Variants in FAXDC2 observed in about 807,000 individuals in gnomAD.
FAXDC2 encodes the protein fatty acid hydroxylase domain containing 2.
FAXDC2 carries 41 observed loss-of-function variants against 40.9 expected under a neutral mutation model. The observed-to-expected ratio is 1.00, with a 90% confidence interval of 0.78 to 1.30. FAXDC2 has a LOEUF of 1.30. Among genes scored for constraint, FAXDC2 ranks in the 50% most tolerant of loss-of-function variants. The pLI, the probability that FAXDC2 is intolerant of heterozygous loss-of-function variation, is 0.00. For missense variants in FAXDC2, 390 were observed against 408.8 expected, an observed-to-expected ratio of 0.95 and a Z score of 0.40; for synonymous variants, 157 against 149.3, an observed-to-expected ratio of 1.05 and a Z score of -0.38.
At chr5:154,843,328 C>T (rs902903148) in intron 1 of FAXDC2, among the ~76,000 whole-genome samples, 26 of 152,330 alleles carry the variant, frequency 1.7e-4, no homozygotes, top group African/African-American at 3.4e-4. Context: ...GCAAAGCAAA[C>T]GAGACATGGC....
At chr5:154,836,760 T>TG (rs371902255) in intron 2 of FAXDC2, among the ~76,000 whole-genome samples, 13 of 152,184 alleles carry the variant, frequency 8.5e-5, no homozygotes, top group Non-Finnish European at 1.8e-4. Context: ...AAGCGATTCT[T>TG]GCCTCCCAAG....
chr5:154,838,293 A>AT, intron 1 of FAXDC2, 115 bp from the exon 2 acceptor site: 1 of 928,232 alleles, frequency 1.1e-6, no homozygotes, highest in South Asian at 1.6e-5. Flanking sequence ...AAAAAAAAAA[A>AT]TTGGCTTGTT....
rs149343487 is a variant in FAXDC2, at chr5:154,824,662, T to C, written c.367-1070A>G. The C allele has an allele frequency of 1.1e-3, 765 of 678,612 alleles. 4 individuals are homozygous for C. In the African/African-American group the frequency reaches 0.012, roughly 11 times the overall value. The allele number at this position is 678,612 out of a possible 1,614,324, so 42.0% of individuals were successfully genotyped here. A position where few individuals can be genotyped will look rare whatever the true frequency, so the allele number is the denominator to read the frequency against. The stretch of plus-strand genomic sequence containing the variant: ...TATTCATTTATTTATTTAACTGATA[T>C]TTATTGAGTACCCACTATGTAGCAC... On this transcript the variant is annotated intron_variant, in intron 5 of 8. Transcript: ENST00000326080.
intron 1 of FAXDC2, among the ~76,000 whole-genome samples, chr5:154,843,443 A>C (rs550644954): frequency 2.6e-5 from 4 of 152,370 alleles, no homozygotes; most frequent in African/African-American, 9.6e-5. Flanking sequence ...AGAAACTCTC[A>C]GTCTGGATAC....
chr5:154,838,713 T>C (rs1760412888), intron 1 of FAXDC2: 1 of 157,182 alleles, frequency 6.4e-6, no homozygotes, highest in Non-Finnish European at 1.4e-5. Flanking sequence ...ATTCTCCTGC[T>C]CAGCCTCCTG....
intron 1 of FAXDC2, among the ~76,000 whole-genome samples, chr5:154,840,648 A>G (rs1255417450): frequency 1.3e-5 from 2 of 151,966 alleles, no homozygotes; most frequent in African/African-American, 4.8e-5. Flanking sequence ...GACTCATGCA[A>G]TTCTCCCACT....
At chr5:154,822,600 A>G in intron 6 of FAXDC2, 23 bp from the exon 7 acceptor site, 1 of 1,572,134 alleles carries the variant, frequency 6.4e-7, no homozygotes, top group South Asian at 1.1e-5. Flanking sequence ...TTAATAGTTA[A>G]TAACCTGCTG....
At chr5:154,844,122 A>G (rs932387037) in intron 1 of FAXDC2, among the ~76,000 whole-genome samples, 3 of 151,996 alleles carry the variant, frequency 2.0e-5, no homozygotes, top group Non-Finnish European at 4.4e-5. Context: ...GGAGGCTGAG[A>G]CAGGAAAATT....
chr5:154,836,835 C>T (rs114989212), intron 2 of FAXDC2, among the ~76,000 whole-genome samples: 535 of 152,056 alleles, frequency 3.5e-3, no homozygotes, highest in African/African-American at 0.012. Context: ...CCACCAAGCC[C>T]GGCTAAATTT....
intron 1 of FAXDC2, among the ~76,000 whole-genome samples, chr5:154,844,253 G>C (rs1482932572): frequency 6.6e-6 from 1 of 151,402 alleles, no homozygotes; most frequent in Non-Finnish European, 1.5e-5. Flanking sequence ...AACATAGTGA[G>C]ACCCTGTCCC....
chr5:154,830,935 A>G lies in FAXDC2; in HGVS notation c.245-13T>C. On this transcript the variant is annotated splice_polypyrimidine_tract_variant and intron_variant, in intron 4 of 8. Coordinates refer to ENST00000326080, the MANE Select transcript of FAXDC2 (RefSeq NM_032385.5). ...ACTTGGATGGCACCTGAGATTGGGA[A>G]ACAGAAACAGTCAGGGCGACTTTGG... 1 of 1,613,242 alleles carries G rather than the reference A, an allele frequency of 6.2e-7. No homozygotes were observed. Among genetic ancestry groups the G allele is most frequent in the Non-Finnish European group, 8.5e-7 (1 of 1,179,242 alleles).
chr5:154,834,887 G>T lies in FAXDC2; in HGVS notation c.96C>A (p.Gly32=). The change falls in exon 3 of 9, where the codon GGC becomes GGA. Residue 32 remains glycine, a synonymous_variant. Coordinates refer to ENST00000326080, the MANE Select transcript of FAXDC2 (RefSeq NM_032385.5). ...GSMRRTAFIL[G]SGLLSFVAFW... is the part of the protein sequence containing the mutation. Reference sequence around the variant, plus strand: ...AGGCCACAAATGAGAGAAGTCCAGAGCCCAGGATGAAAGCTGTCCTCCTCA... The same window carrying T: ...AGGCCACAAATGAGAGAAGTCCAGATCCCAGGATGAAAGCTGTCCTCCTCA... 1 of 1,610,026 alleles carries T rather than the reference G, an allele frequency of 6.2e-7. No homozygotes were observed.
intron 8 of FAXDC2, 30 bp downstream of exon 8, chr5:154,821,230 A>G (rs1345020214): frequency 6.3e-7 from 1 of 1,587,352 alleles, no homozygotes. Flanking sequence ...GTTGTTGCCT[A>G]GGGACCCATT....
At chr5:154,836,391 C>G (rs1049012071) in intron 2 of FAXDC2, 1 of 152,144 alleles carries the variant, frequency 6.6e-6, no homozygotes, top group Non-Finnish European at 1.5e-5. Context: ...CAAACAATGC[C>G]CCAGATTCAG....
intron 4 of FAXDC2, 57 bp downstream of exon 4, chr5:154,834,568 G>T (rs1760270634): frequency 4.1e-6 from 5 of 1,221,106 alleles, no homozygotes; most frequent in African/African-American, 1.5e-5. Flanking sequence ...ACAACAAAAA[G>T]AATTAAGTTA....
intron 4 of FAXDC2, 22 bp downstream of exon 4, chr5:154,834,603 G>T (rs367790083): frequency 2.0e-6 from 3 of 1,493,400 alleles, no homozygotes; most frequent in African/African-American, 2.8e-5. Context: ...CATGCTAGGT[G>T]CTGGTGGTCT....
chr5:154,822,000 A>C (rs1759902691), intron 7 of FAXDC2: 1 of 158,440 alleles, frequency 6.3e-6, no homozygotes, highest in African/African-American at 2.4e-5. Context: ...GAGACAGGAG[A>C]ATGGCTTGAA....
Position 154,820,319 on chromosome 5 carries a change from C to A in FAXDC2, c.999G>T (p.Glu333Asp). 1 of 1,606,236 alleles carries A rather than the reference C, an allele frequency of 6.2e-7. No homozygotes were observed. Among genetic ancestry groups the A allele is most frequent in the South Asian group, 1.1e-5 (1 of 89,546 alleles). ...ESIPDSPKRME is the reference protein window; with the variant it reads ...ESIPDSPKRMD ...AGGATGACACTTAGGCTGTCTCTCA[C>A]TCCATCCTCTTTGGGGAGTCTGGGA... The change falls in exon 9 of 9, where the codon GAG (glutamate) becomes GAT (aspartate). Residue 333 changes from glutamate to aspartate, a missense_variant. Physicochemically the swap from Glu to Asp is conservative, Grantham distance 45 (BLOSUM62 2). Coordinates refer to ENST00000326080, the MANE Select transcript of FAXDC2 (RefSeq NM_032385.5).
chr5:154,834,081 A>C (rs1347569988), intron 4 of FAXDC2, among the ~76,000 whole-genome samples: 3 of 148,682 alleles, frequency 2.0e-5, no homozygotes, highest in Non-Finnish European at 4.5e-5. Flanking sequence ...ATATATATTA[A>C]ATAAATTGTA....
Sources: gnomAD v4.1 joint callset for allele counts (sites outside exome capture counted in the v4.1 genomes callset) on GRCh38, gnomAD v4.1.1 for gene constraint, MANE v1.5 for transcripts, NCBI Gene and HGNC (gene_info 2026-07-23, HGNC 2026-07-21) for gene names.